DCTN4: variants seen among roughly 807,000 people sequenced by gnomAD.
The protein encoded by DCTN4 is dynactin subunit 4, also known as dynactin 4 (p62).
DCTN4 carries 23 observed loss-of-function variants against 62.7 expected under a neutral mutation model. The ratio of observed to expected loss-of-function variants is 0.37; its 90% CI spans 0.26 to 0.52. DCTN4 has a LOEUF of 0.52. DCTN4 is among the 20% of genes least tolerant of loss of function. DCTN4 has a pLI of 0.92. For missense variants in DCTN4, 514 were observed against 580.4 expected, an observed-to-expected ratio of 0.89 and a Z score of 1.18; for synonymous variants, 199 against 202.1, an observed-to-expected ratio of 0.98 and a Z score of 0.13.
rs145131025 is a variant in DCTN4 at position 150,719,956 on chromosome 5, G to A, written c.909-186C>T. Among the ~76,000 whole-genome samples, 75 of 152,310 alleles carry A rather than the reference G, an allele frequency of 4.9e-4. No individual in the cohort carries two copies. In the East Asian group the frequency reaches 0.012, roughly 25 times the overall value. ...AAAAGACATAAGACCAAACTGGTATGAGTTCTTTCTGAAATCTTACGTATA... is the reference window on the plus strand; with the variant it reads ...AAAAGACATAAGACCAAACTGGTATAAGTTCTTTCTGAAATCTTACGTATA... On this transcript the variant is annotated intron_variant, in intron 9 of 12. Coordinates refer to ENST00000447998, the MANE Select transcript of DCTN4 (RefSeq NM_016221.4).
At chr5:150,723,896 T>C (rs1322005496) in intron 8 of DCTN4, among the ~76,000 whole-genome samples, 1 of 152,202 alleles carries the variant, frequency 6.6e-6, no homozygotes, top group Non-Finnish European at 1.5e-5. Context: ...TTTCAGTACA[T>C]ATAGAGAGGC....
intron 2 of DCTN4, among the ~76,000 whole-genome samples, chr5:150,753,865 C>A (rs1752766054): frequency 6.6e-6 from 1 of 152,172 alleles, no homozygotes; most frequent in African/African-American, 2.4e-5. Flanking sequence ...TAGAGCCCAA[C>A]CCAATCCTAC....
intron 3 of DCTN4, among the ~76,000 whole-genome samples, chr5:150,746,681 CA>C (rs1265912177): frequency 6.6e-6 from 1 of 152,184 alleles, no homozygotes; most frequent in Non-Finnish European, 1.5e-5. Context: ...GAGCCAAAGA[CA>C]AAAACCACAT....
intron 10 of DCTN4, 103 bp from the exon 11 acceptor site, chr5:150,718,486 A>T (rs1476307646): frequency 5.6e-6 from 4 of 719,182 alleles, no homozygotes; most frequent in Admixed American, 2.1e-5. Flanking sequence ...CTGGGCAATG[A>T]CGCCCTACTT....
In DCTN4 at chr5:150,710,904, C is replaced by A; in HGVS notation, c.*245G>T. On this transcript the variant is annotated 3_prime_UTR_variant, in exon 13 of 13. Coordinates refer to ENST00000447998, the MANE Select transcript of DCTN4 (RefSeq NM_016221.4). Reference sequence around the variant, plus strand: ...CTAGGATGGAATTATGCTGCTGTTACTCAACGTGCAGGGTTCAGTGAGGGA... The same window carrying A: ...CTAGGATGGAATTATGCTGCTGTTAATCAACGTGCAGGGTTCAGTGAGGGA... 1 of 514,098 alleles carries A rather than the reference C, an allele frequency of 1.9e-6. No individual in the cohort carries two copies. Among genetic ancestry groups the A allele is most frequent in the Non-Finnish European group, 3.5e-6 (1 of 283,678 alleles). 31.8% of individuals were successfully genotyped at this position (514,098 alleles called of 1,614,324 possible).
chr5:150,758,059 G>C (rs1342588321), intron 1 of DCTN4: 1 of 979,470 alleles, frequency 1.0e-6, no homozygotes, highest in Non-Finnish European at 1.2e-6. Context: ...ACTACTATCA[G>C]CTTTTTCTTC....
chr5:150,738,385 G>A (rs1002702800), intron 4 of DCTN4, among the ~76,000 whole-genome samples: 1 of 152,108 alleles, frequency 6.6e-6, no homozygotes, highest in African/African-American at 2.4e-5. Context: ...TAGTTAACTG[G>A]ATCCAACAGC....
intron 3 of DCTN4, among the ~76,000 whole-genome samples, chr5:150,747,635 G>A (rs201294849): frequency 0.14 from 21,812 of 150,944 alleles, 2,777 homozygotes; most frequent in African/African-American, 0.35. Flanking sequence ...AAATAATGCC[G>A]CATATCTACA....
intron 3 of DCTN4, among the ~76,000 whole-genome samples, chr5:150,743,371 G>T (rs1042441269): frequency 7.2e-5 from 11 of 152,190 alleles, no homozygotes; most frequent in Non-Finnish European, 1.5e-4. Context: ...CTCGGGGCAG[G>T]GCACAGACAA....
intron 6 of DCTN4, 59 bp from the exon 7 acceptor site, chr5:150,731,215 C>T: frequency 8.5e-7 from 1 of 1,179,256 alleles, no homozygotes; most frequent in Non-Finnish European, 1.3e-6. Context: ...CACGGATCCA[C>T]CTGATTATCC....
chr5:150,713,650 G>T (rs1181462256), intron 12 of DCTN4, among the ~76,000 whole-genome samples: 6 of 150,664 alleles, frequency 4.0e-5, no homozygotes, highest in Non-Finnish European at 8.9e-5. Flanking sequence ...CGCCATGTTG[G>T]CCAGGCTGGT....
intron 12 of DCTN4, among the ~76,000 whole-genome samples, chr5:150,713,012 T>C (rs1472469487): frequency 6.6e-6 from 1 of 152,202 alleles, no homozygotes; most frequent in Non-Finnish European, 1.5e-5. Flanking sequence ...TCCAGAAGTA[T>C]ATCTTGGCTT....
At chr5:150,741,273 G>A (rs1760760071) in intron 4 of DCTN4, among the ~76,000 whole-genome samples, 1 of 151,968 alleles carries the variant, frequency 6.6e-6, no homozygotes, top group African/African-American at 2.4e-5. Context: ...CTCATTAGAG[G>A]TATCAACTAT....
chr5:150,751,176 C>T (rs540252870), intron 3 of DCTN4, among the ~76,000 whole-genome samples: 2 of 152,208 alleles, frequency 1.3e-5, no homozygotes, highest in Non-Finnish European at 2.9e-5. Flanking sequence ...TTTCTCCGTA[C>T]ATTACAGACA....
chr5:150,715,420 A>G (rs964821291), intron 12 of DCTN4, 145 bp downstream of exon 12: 1 of 628,340 alleles, frequency 1.6e-6, no homozygotes, highest in Non-Finnish European at 2.7e-6. Flanking sequence ...GGTCTTACAT[A>G]TATTTCCCCA....
At chr5:150,743,349 T>C (rs564890388) in intron 3 of DCTN4, among the ~76,000 whole-genome samples, 1 of 152,322 alleles carries the variant, frequency 6.6e-6, no homozygotes, top group East Asian at 1.9e-4. Flanking sequence ...CCTGCCTCTG[T>C]AGGCTCCACC....
At chr5:150,753,177 T>G (rs1752739418) in intron 3 of DCTN4, among the ~76,000 whole-genome samples, 1 of 152,218 alleles carries the variant, frequency 6.6e-6, no homozygotes, top group Non-Finnish European at 1.5e-5. Flanking sequence ...ATCTTTTAGT[T>G]TTATCCATGA....
intron 2 of DCTN4, among the ~76,000 whole-genome samples, chr5:150,755,790 C>A (rs1249373310): frequency 1.3e-5 from 2 of 152,050 alleles, no homozygotes; most frequent in Admixed American, 6.6e-5. Flanking sequence ...CTAAGGAAAT[C>A]TGAATAAAAT....
chr5:150,739,702 C>T (rs538890511), intron 4 of DCTN4, among the ~76,000 whole-genome samples: 10 of 152,030 alleles, frequency 6.6e-5, no homozygotes, highest in Non-Finnish European at 1.5e-4. Context: ...TAGTCACCAA[C>T]GCAGCATAAT....
Sources: gnomAD v4.1 joint callset for allele counts (sites outside exome capture counted in the v4.1 genomes callset) on GRCh38, gnomAD v4.1.1 for gene constraint, MANE v1.5 for transcripts, NCBI Gene and HGNC (gene_info 2026-07-23, HGNC 2026-07-21) for gene names.